GNA12: variants seen among roughly 807,000 people sequenced by gnomAD.
GNA12 encodes guanine nucleotide-binding protein subunit alpha-12.
In GNA12, 9 loss-of-function variants were observed where a neutral mutation model predicts 26.0. The observed-to-expected ratio is 0.35, with a 90% CI of 0.21 to 0.60. The LOEUF is 0.60. Ranked by LOEUF, GNA12 falls within the 20% of genes least tolerant of loss-of-function variation. The probability of loss-of-function intolerance (pLI) is 0.78; values close to 1 mark genes in which losing one functional copy is unlikely to be tolerated. For missense variants in GNA12, 405 were observed against 525.8 expected (o/e 0.77, Z 2.25); for synonymous variants, 264 against 219.6 (o/e 1.20, Z -1.79).
rs138144453 is a variant in GNA12, at chr7:2,798,536, A to G, written c.310-3393T>C. On this transcript the variant is annotated intron_variant, in intron 1 of 3. Coordinates refer to ENST00000275364, the MANE Select transcript of GNA12 (RefSeq NM_007353.3). The stretch of plus-strand genomic sequence containing the variant: ...AGGAAAGAAATTTTCAAAATCTAAT[A>G]GATATACCACGGTCACGAATTAGAA... Among the ~76,000 whole-genome samples the G allele has an allele frequency of 9.8e-5, 15 of 152,356 alleles. 1 individual carries two copies. Among genetic ancestry groups the G allele is most frequent in the South Asian group, 4.1e-4 (2 of 4,828 alleles).
At chr7:2,749,521 G>A (rs1369160772) in intron 2 of GNA12, among the ~76,000 whole-genome samples, 1 of 149,780 alleles carries the variant, frequency 6.7e-6, no homozygotes, top group Non-Finnish European at 1.5e-5. Context: ...TGGGGTAGGG[G>A]GAGGGGGGAG....
chr7:2,795,158 AAAG>A lies in GNA12; in HGVS notation c.310-18_310-16del. ...ACCCTTGAGCCCTAGAAAATAAAAG[AAAG>A]AAGAGAGGATTTAATTGCATTCCAA... On this transcript the variant is annotated splice_polypyrimidine_tract_variant and intron_variant, in intron 1 of 3. Coordinates refer to ENST00000275364, the MANE Select transcript of GNA12 (RefSeq NM_007353.3). The A allele has an allele frequency of 1.9e-6, 3 of 1,594,964 alleles. No individual in the cohort carries two copies. The highest frequency in any genetic ancestry group is 2.6e-6 in the Non-Finnish European group (3 of 1,163,464).
intron 1 of GNA12, among the ~76,000 whole-genome samples, chr7:2,813,735 C>T (rs1365298976): frequency 6.6e-6 from 1 of 152,310 alleles, no homozygotes; most frequent in African/African-American, 2.4e-5. Flanking sequence ...TCTGGGGCCA[C>T]GCCTAAGTCT....
At chr7:2,768,554 G>A (rs1583264387) in intron 2 of GNA12, among the ~76,000 whole-genome samples, 1 of 151,986 alleles carries the variant, frequency 6.6e-6, no homozygotes, top group South Asian at 2.1e-4. Flanking sequence ...AAAGGTTAGA[G>A]TAAAACCTAA....
At chr7:2,807,474 A>C (rs1207188566) in intron 1 of GNA12, among the ~76,000 whole-genome samples, 1 of 152,152 alleles carries the variant, frequency 6.6e-6, no homozygotes, top group African/African-American at 2.4e-5. Context: ...AGTTCTTAGA[A>C]GTTTCAAAAT....
chr7:2,796,064 C>A (rs1026563571), intron 1 of GNA12, among the ~76,000 whole-genome samples: 6 of 152,082 alleles, frequency 3.9e-5, no homozygotes, highest in East Asian at 3.9e-4. Flanking sequence ...GGGGGTTCCA[C>A]CATGTTGTCC....
intron 2 of GNA12, among the ~76,000 whole-genome samples, chr7:2,786,048 C>G (rs1792351880): frequency 6.6e-6 from 1 of 152,192 alleles, no homozygotes; most frequent in Non-Finnish European, 1.5e-5. Context: ...GCCTGGGTGA[C>G]ACAGCGAGAT....
Position 2,730,937 on chromosome 7 carries a change from A to T in GNA12, c.*244T>A, listed in dbSNP as rs995342986. ...TGTGATTAGGTGTTCCGTATTCACAACATCATCACTCGGATTTTCAGTAGT... is the reference window on the plus strand; with the variant it reads ...TGTGATTAGGTGTTCCGTATTCACATCATCATCACTCGGATTTTCAGTAGT... On this transcript the variant is annotated 3_prime_UTR_variant, in exon 4 of 4. Transcript: ENST00000275364. 39 of 506,948 alleles carry T rather than the reference A, an allele frequency of 7.7e-5. No individual in the cohort carries two copies. In the East Asian group the frequency reaches 8.1e-4, roughly 10 times the overall value. 31.4% of individuals were successfully genotyped at this position (506,948 alleles called of 1,614,324 possible). A position where few individuals can be genotyped will look rare whatever the true frequency, so the allele number is the denominator to read the frequency against.
rs116002865 is a variant in GNA12, at chr7:2,740,026, C to T, written c.526-6525G>A. On this transcript the variant is annotated intron_variant, in intron 2 of 3. Transcript: ENST00000275364. The stretch of plus-strand genomic sequence containing the variant: ...CTGAAGACCACCAAGCTGTTCTCCA[C>T]GGCGGCTGCACAAGTTTACATTCCC... 5.7e-3 allele frequency among the ~76,000 whole-genome samples: 866 copies of T among 152,270 alleles called. 11 individuals are homozygous for T. Among genetic ancestry groups the T allele is most frequent in the African/African-American group, 0.02 (825 of 41,550 alleles).
chr7:2,835,943 T>C (rs368484068), intron 1 of GNA12: 89 of 521,524 alleles, frequency 1.7e-4, no homozygotes, highest in South Asian at 1.4e-3. Flanking sequence ...GTCGAAGCAA[T>C]TCAGTGGGTG....
At chr7:2,748,747 T>C (rs1212312339) in intron 2 of GNA12, among the ~76,000 whole-genome samples, 2 of 152,204 alleles carry the variant, frequency 1.3e-5, no homozygotes, top group Admixed American at 6.5e-5. Context: ...GAGAAAATTT[T>C]TGCAACCTAC....
intron 2 of GNA12, among the ~76,000 whole-genome samples, chr7:2,751,076 GA>G (rs900169827): frequency 1.3e-5 from 2 of 152,178 alleles, no homozygotes; most frequent in African/African-American, 4.8e-5. Context: ...ATTTCGGGGA[GA>G]AATCTGTTGC....
chr7:2,736,764 A>G (rs798521), intron 2 of GNA12, among the ~76,000 whole-genome samples: 89,794 of 152,028 alleles, frequency 0.59, 26,744 homozygotes, highest in Admixed American at 0.63. Flanking sequence ...GCCGCTCAGA[A>G]CTCCGTCAGC....
intron 2 of GNA12, among the ~76,000 whole-genome samples, chr7:2,787,962 T>C (rs1205566440): frequency 1.3e-5 from 2 of 152,126 alleles, no homozygotes; most frequent in Non-Finnish European, 2.9e-5. Context: ...GAGACCAGCA[T>C]GGCCAATGTA....
chr7:2,841,301 G>C (rs1713920), intron 1 of GNA12, among the ~76,000 whole-genome samples: 58,884 of 152,074 alleles, frequency 0.39, 11,780 homozygotes, highest in Admixed American at 0.45. Flanking sequence ...ACTTCATACA[G>C]GGATTTAGAT....
chr7:2,801,425 C>A (rs1226659744), intron 1 of GNA12, among the ~76,000 whole-genome samples: 3 of 152,186 alleles, frequency 2.0e-5, no homozygotes, highest in Non-Finnish European at 4.4e-5. Context: ...CACACCAGGC[C>A]TTCCCCAACT....
At chr7:2,793,126 A>T (rs2115454520) in intron 2 of GNA12, among the ~76,000 whole-genome samples, 1 of 152,316 alleles carries the variant, frequency 6.6e-6, no homozygotes, top group Admixed American at 6.5e-5. Flanking sequence ...AAACCCAAAC[A>T]GGAAGATTCT....
At chr7:2,760,283 C>T (rs1457079706) in intron 2 of GNA12, 2 of 152,530 alleles carry the variant, frequency 1.3e-5, no homozygotes. Flanking sequence ...GCAGCGCTGC[C>T]TCCCTAGGTC....
chr7:2,822,088 A>C (rs568090874), intron 1 of GNA12, among the ~76,000 whole-genome samples: 6 of 152,374 alleles, frequency 3.9e-5, no homozygotes, highest in East Asian at 3.8e-4. Flanking sequence ...ATTACCACCA[A>C]CATTTCTTAA....
Sources: gnomAD v4.1 joint callset for allele counts (sites outside exome capture counted in the v4.1 genomes callset) on GRCh38, gnomAD v4.1.1 for gene constraint, MANE v1.5 for transcripts, NCBI Gene and HGNC (gene_info 2026-07-23, HGNC 2026-07-21) for gene names.